Variants in LAMA1 observed in about 807,000 individuals in gnomAD.
LAMA1 encodes the protein laminin subunit alpha 1.
A neutral mutation model predicts 348.7 loss-of-function variants in LAMA1; 219 were observed. The observed-to-expected ratio is 0.63, with a 90% CI of 0.56 to 0.70. The LOEUF (loss-of-function observed/expected upper bound fraction) is 0.70. Among genes scored for constraint, LAMA1 ranks in the 30% least tolerant of loss-of-function variants. The pLI, the probability that LAMA1 is intolerant of heterozygous loss-of-function variation, is 0.00. For missense variants in LAMA1, 3,744 were observed against 3,888.0 expected (o/e 0.96, Z 0.99); for synonymous variants, 1,487 against 1,491.0 (o/e 1.00, Z 0.06).
At chr18:7,108,951 A>G (rs1332129916) in intron 1 of LAMA1, among the ~76,000 whole-genome samples, 1 of 151,926 alleles carries the variant, frequency 6.6e-6, no homozygotes, top group Admixed American at 6.6e-5. Context: ...GCAAGGACAG[A>G]AAGCAAGCAG....
intron 56 of LAMA1, chr18:6,955,715 G>GA (rs2057573401): frequency 3.4e-6 from 2 of 590,602 alleles, no homozygotes; most frequent in African/African-American, 3.7e-5. Context: ...AAATTCATAA[G>GA]GACACTGAAG....
chr18:7,014,956 C>T (rs947524926), intron 22 of LAMA1, among the ~76,000 whole-genome samples: 8 of 152,126 alleles, frequency 5.3e-5, no homozygotes, highest in Non-Finnish European at 1.2e-4. Flanking sequence ...ACGTCGTTCT[C>T]CTGCCTCAGC....
chr18:7,039,956 G>A, intron 10 of LAMA1, 120 bp downstream of exon 10: 4 of 1,113,154 alleles, frequency 3.6e-6, no homozygotes, highest in South Asian at 2.6e-5. Context: ...AGGGGCAAGG[G>A]GAGTTCTGCT....
rs769418742 is a variant in LAMA1, at chr18:7,049,173, G to A, written c.673C>T (p.Arg225Cys). The A allele has an allele frequency of 6.2e-6, 10 of 1,614,074 alleles. No homozygotes were observed. The highest frequency in any genetic ancestry group is 5.9e-6 in the Non-Finnish European group (7 of 1,180,022). The part of the protein sequence containing the change: ...LLEFTSARYI[R>C]LRLQRIRTLN... The stretch of plus-strand genomic sequence containing the variant: ...GTTCTAATGCGTTGCAAGCGAAGGC[G>A]AATATATCGTGCAGAAGTGAATTCC... The change falls in exon 5 of 63, where the codon CGC becomes TGC. Residue 225 changes from arginine (R) to cysteine (C), a missense_variant. By Grantham distance (180) the Arg-to-Cys change is radical. Transcript: ENST00000389658.
rs1231700451 is a variant in LAMA1, at chr18:7,002,300, C to T, written c.4346G>A (p.Cys1449Tyr). The T allele has an allele frequency of 4.3e-6, 7 of 1,613,174 alleles. No individual in the cohort carries two copies. The highest frequency in any genetic ancestry group is 3.3e-5 in the Admixed American group (2 of 59,998). The change falls in exon 30 of 63, where the codon TGT (cysteine) becomes TAT (tyrosine). Residue 1449 changes from cysteine (C) to tyrosine (Y), a missense_variant. Around this residue, in one of 3 missense-constraint regions of LAMA1, gnomAD observed 1,983 missense variants for 1,934.3 expected, o/e 1.03. Transcript: ENST00000389658. ...GCTGTGAGGACAGGCACACAGAGCA[C>T]AGTCACTTGCTGAGCCAGTCACCTT... is the stretch of plus-strand genomic sequence containing the variant. ...YGKVTGSASD[C>Y]ALCACPHSPP... is the part of the protein sequence containing the mutation.
intron 49 of LAMA1, 64 bp from the exon 50 acceptor site, chr18:6,965,496 A>T (rs1600354813): frequency 6.4e-7 from 1 of 1,565,056 alleles, no homozygotes. Context: ...TTTCCCTTCA[A>T]GTCAGGGATG....
At chr18:7,040,962 C>A (rs986352317) in intron 9 of LAMA1, among the ~76,000 whole-genome samples, 4 of 152,048 alleles carry the variant, frequency 2.6e-5, no homozygotes, top group Admixed American at 2.6e-4. Context: ...AGGTAATTAA[C>A]GATTGCCAGG....
chr18:7,026,118 C>A lies in LAMA1; in HGVS notation c.2275-12G>T, dbSNP rs1598286341. ...TTGTGCGCACACGCCTAGGAACATGCACCAGAAGAATCAGCTCAGGTTGTC... is the reference window on the plus strand; with the variant it reads ...TTGTGCGCACACGCCTAGGAACATGAACCAGAAGAATCAGCTCAGGTTGTC... On this transcript the variant is annotated splice_polypyrimidine_tract_variant and intron_variant, in intron 16 of 62. Transcript: ENST00000389658. 3 of 1,610,264 alleles carry A rather than the reference C, an allele frequency of 1.9e-6. No homozygotes were observed. Among genetic ancestry groups the A allele is most frequent in the South Asian group, 1.1e-5 (1 of 90,368 alleles).
At position 7,083,842 on chromosome 18, in the gene LAMA1, G is replaced by A. The variant is rs189616316; in HGVS notation, c.62-3385C>T. Among the ~76,000 whole-genome samples, 37 of 152,026 alleles carry A rather than the reference G, an allele frequency of 2.4e-4. No homozygotes were observed. The East Asian group carries it at 4.3e-3, about 18-fold the overall frequency. On this transcript the variant is annotated intron_variant, in intron 1 of 62. Coordinates refer to ENST00000389658, the MANE Select transcript of LAMA1 (RefSeq NM_005559.4). ...TCCCAGCACTTCGGGAGGCCGAGGC[G>A]GGCGGATCACTTGAGGTCAGGAGTT... is the stretch of plus-strand genomic sequence containing the variant.
chr18:7,092,130 A>G (rs78359263), intron 1 of LAMA1, among the ~76,000 whole-genome samples: 2,288 of 152,316 alleles, frequency 0.015, 54 homozygotes, highest in African/African-American at 0.051. Context: ...ATACAACACT[A>G]TATTTTCTCA....
At chr18:7,048,346 T>G (rs1377901513) in intron 5 of LAMA1, among the ~76,000 whole-genome samples, 1 of 152,158 alleles carries the variant, frequency 6.6e-6, no homozygotes. Flanking sequence ...ACTAAATATC[T>G]AACAGTGTGT....
At chr18:7,055,119 T>C (rs2058076352) in intron 3 of LAMA1, among the ~76,000 whole-genome samples, 2 of 145,470 alleles carry the variant, frequency 1.4e-5, no homozygotes, top group South Asian at 4.2e-4. Context: ...CAGCTGTGTG[T>C]GTGTGTGTGT....
chr18:7,035,765 G>A (rs1025331893), intron 13 of LAMA1, among the ~76,000 whole-genome samples: 37 of 152,240 alleles, frequency 2.4e-4, no homozygotes, highest in African/African-American at 8.9e-4. Context: ...GAGATGAAGA[G>A]AAGAGTGGCG....
chr18:7,110,897 C>G (rs1173626058), intron 1 of LAMA1, among the ~76,000 whole-genome samples: 1 of 143,378 alleles, frequency 7.0e-6, no homozygotes, highest in South Asian at 2.3e-4. Context: ...CTCCCCCCCC[C>G]CACTTCTAAT....
At chr18:6,986,810 A>C (rs766555340) in intron 36 of LAMA1, among the ~76,000 whole-genome samples, 4 of 152,140 alleles carry the variant, frequency 2.6e-5, no homozygotes, top group Non-Finnish European at 4.4e-5. Context: ...CCTAGGTTTG[A>C]GTGCAATGGC....
intron 7 of LAMA1, among the ~76,000 whole-genome samples, chr18:7,044,226 G>A (rs1196948007): frequency 4.7e-5 from 7 of 150,380 alleles, no homozygotes; most frequent in African/African-American, 9.8e-5. Flanking sequence ...TGTCTTCTGC[G>A]TAAGAACTGT....
At chr18:7,050,219 C>T (rs2058057087) in intron 4 of LAMA1, among the ~76,000 whole-genome samples, 1 of 152,134 alleles carries the variant, frequency 6.6e-6, no homozygotes, top group Admixed American at 6.5e-5. Context: ...CTCATCAAGC[C>T]AGGTGCTACT....
intron 1 of LAMA1, among the ~76,000 whole-genome samples, chr18:7,108,089 G>T (rs898831691): frequency 6.8e-6 from 1 of 147,028 alleles, no homozygotes; most frequent in African/African-American, 2.5e-5. Context: ...TCTAATCCCA[G>T]CACTTTGGGA....
At chr18:7,099,801 G>T (rs1489678633) in intron 1 of LAMA1, among the ~76,000 whole-genome samples, 1 of 151,940 alleles carries the variant, frequency 6.6e-6, no homozygotes, top group Non-Finnish European at 1.5e-5. Flanking sequence ...GTTCACACCT[G>T]CAATCCCAGC....
Sources: gnomAD v4.1 joint callset for allele counts (sites outside exome capture counted in the v4.1 genomes callset) on GRCh38, gnomAD v4.1.1 for gene constraint, gnomAD v4.1.1 regional missense constraint, MANE v1.5 for transcripts, NCBI Gene and HGNC (gene_info 2026-07-23, HGNC 2026-07-21) for gene names.